Variants in SYNE1 observed in about 807,000 individuals in gnomAD.
The protein encoded by SYNE1 is nesprin-1.
Under a neutral mutation model 1,111.0 loss-of-function variants are expected in SYNE1, and 616 were observed. That is an observed-to-expected ratio of 0.55 (90% CI 0.52 to 0.59). The LOEUF (loss-of-function observed/expected upper bound fraction) is 0.59, where lower values mean the gene tolerates loss of function less well. SYNE1 is among the 20% of genes least tolerant of loss of function. The pLI, the probability that SYNE1 is intolerant of heterozygous loss-of-function variation, is 0.00. For missense variants in SYNE1, 10,006 were observed against 10,417.0 expected (o/e 0.96, Z 1.72); for synonymous variants, 3,855 against 3,825.8 (o/e 1.01, Z -0.28).
Position 152,465,015 on chromosome 6 carries a change from C to A in SYNE1, c.1932+243G>T, listed in dbSNP as rs1593250770. On this transcript the variant is annotated intron_variant, in intron 18 of 145. Coordinates refer to ENST00000367255, the MANE Select transcript of SYNE1 (RefSeq NM_182961.4). ...CTAGACACTCCCCTTCATAGACAGA[C>A]TTCAGGGTAATATAGTGCCCTCCCC... is the stretch of plus-strand genomic sequence containing the variant. 1.1e-5 allele frequency: 6 copies of A among 537,824 alleles called. No homozygotes were observed. In the East Asian group the frequency reaches 2.0e-4, roughly 18 times the overall value. The allele number at this position is 537,824 out of a possible 1,614,324, so 33.3% of individuals were successfully genotyped here.
At chr6:152,551,435 A>C (rs1024209666) in intron 3 of SYNE1, among the ~76,000 whole-genome samples, 2 of 152,164 alleles carry the variant, frequency 1.3e-5, no homozygotes, top group Non-Finnish European at 2.9e-5. Context: ...TTGATTCACT[A>C]ATTTAATGAA....
intron 3 of SYNE1, among the ~76,000 whole-genome samples, chr6:152,541,541 G>A (rs1174148933): frequency 6.6e-6 from 1 of 151,996 alleles, no homozygotes. Flanking sequence ...GAGGTCAGGA[G>A]GTCAAGACCA....
intron 128 of SYNE1, 38 bp from the exon 129 acceptor site, chr6:152,180,332 A>G: frequency 1.2e-6 from 2 of 1,605,778 alleles, no homozygotes; most frequent in South Asian, 2.2e-5. Context: ...CAAAATGATT[A>G]TCAGAGAGAA....
chr6:152,186,571 AAAAAAAAAAAAAAAAAAAAAAAAAAG>A (rs937939778), intron 128 of SYNE1, among the ~76,000 whole-genome samples: 5 of 133,730 alleles, frequency 3.7e-5, no homozygotes, highest in African/African-American at 8.2e-5. Context: ...AAAAAAAAAA[AAAAAAAAAAAAAAAAAAAAAAAAAAG>A]AAGAAGAAGA....
chr6:152,277,264 CTTTTT>C (rs747947368), intron 98 of SYNE1, among the ~76,000 whole-genome samples: 18 of 82,120 alleles, frequency 2.2e-4, no homozygotes, highest in Middle Eastern at 0.014. Flanking sequence ...TTTTCTTTTT[CTTTTT>C]TTTTTTTTTT....
intron 3 of SYNE1, among the ~76,000 whole-genome samples, chr6:152,577,910 GA>G (rs1321910595): frequency 6.6e-6 from 1 of 151,930 alleles, no homozygotes; most frequent in Non-Finnish European, 1.5e-5. Context: ...GTAACAACCA[GA>G]AGCAAATGTT....
intron 3 of SYNE1, among the ~76,000 whole-genome samples, chr6:152,579,822 C>T (rs2099513334): frequency 6.6e-6 from 1 of 152,148 alleles, no homozygotes; most frequent in Non-Finnish European, 1.5e-5. Context: ...TGGCCTCCAG[C>T]TCCATCCATG....
rs1477560269 is a variant in SYNE1 at position 152,269,297 on chromosome 6, C to T, written c.18574-11G>A. The T allele has an allele frequency of 1.2e-5, 19 of 1,613,974 alleles. No individual in the cohort carries two copies. The highest frequency in any genetic ancestry group is 1.7e-5 in the Admixed American group (1 of 60,014). On this transcript the variant is annotated splice_polypyrimidine_tract_variant and intron_variant, in intron 98 of 145. Transcript: ENST00000367255. ...CTCCTGTGCTGTTCCCTGCTTTTAA[C>T]GAGGCAGAAATCAAGTCATGCTACA...
intron 49 of SYNE1, among the ~76,000 whole-genome samples, chr6:152,397,632 A>G (rs2097756208): frequency 6.6e-6 from 1 of 152,142 alleles, no homozygotes; most frequent in Non-Finnish European, 1.5e-5. Flanking sequence ...GTTAACTTCT[A>G]ATCTAATGAA....
Position 152,399,802 on chromosome 6 carries a change from T to C in SYNE1, c.7051A>G (p.Ser2351Gly). ...KVKDIQKELQ[S>G]QQSNISSTQE... ...GTAGAGCTGATGTTGCTTTGTTGAC[T>C]TTGAAGTTCTTTTTGTATATCCTAC... The change falls in exon 48 of 146, where the codon AGT (serine) becomes GGT (glycine). Residue 2351 changes from serine to glycine, a missense_variant. By Grantham distance (56) the Ser-to-Gly change is moderately conservative. Coordinates refer to ENST00000367255, the MANE Select transcript of SYNE1 (RefSeq NM_182961.4). The C allele has an allele frequency of 6.2e-7, 1 of 1,614,196 alleles. No individual in the cohort carries two copies. The highest frequency in any genetic ancestry group is 1.1e-5 in the South Asian group (1 of 91,088).
At chr6:152,478,251 G>A (rs1593514324) in intron 14 of SYNE1, among the ~76,000 whole-genome samples, 1 of 152,214 alleles carries the variant, frequency 6.6e-6, no homozygotes, top group Non-Finnish European at 1.5e-5. Flanking sequence ...AATTTAGAAA[G>A]AAGAAAGAGC....
rs2059847049 is a variant in SYNE1 at position 152,148,248 on chromosome 6, G to A, written c.24773C>T (p.Ser8258Phe). Residue 8258 changes from serine to phenylalanine, a missense_variant, in exon 137 of 146, where the codon TCC becomes TTC. By Grantham distance (155) the Ser-to-Phe change is radical. This residue lies in a region of SYNE1 where 761 missense variants were observed against 795.5 expected (regional missense o/e 0.96). Transcript: ENST00000367255. The surrounding 1 kb of genome is among the most constrained non-coding windows in gnomAD (Gnocchi z 4.1). ...CCGGAGGGGCTGAGCGAGCGAGAGG[G>A]AGAGATTGGAGGAAGGCTGTGGAGA... ...LLSPQPSSNL[S>F]LSLAQPLRSE... 1 of 1,613,752 alleles carries A rather than the reference G, an allele frequency of 6.2e-7. No individual in the cohort carries two copies. The highest frequency in any genetic ancestry group is 8.5e-7 in the Non-Finnish European group (1 of 1,179,816).
At position 152,331,640 on chromosome 6, in the gene SYNE1, C is replaced by T. The variant is rs750160520; in HGVS notation, c.13045G>A (p.Val4349Met). 1 of 1,614,116 alleles carries T rather than the reference C, an allele frequency of 6.2e-7. No individual in the cohort carries two copies. Among genetic ancestry groups the T allele is most frequent in the South Asian group, 1.1e-5 (1 of 91,074 alleles). ...SVTNLEELNVVQSRFQELMEW... is the reference protein window; with the variant it reads ...SVTNLEELNVMQSRFQELMEW... The stretch of plus-strand genomic sequence containing the variant: ...ATTAGCTCCTGAAATCTGGACTGCA[C>T]CACATTTAACTCCTCCAAGTTGGTG... The change falls in exon 78 of 146, where the codon GTG (valine) becomes ATG (methionine). Residue 4349 changes from valine to methionine, a missense_variant. Physicochemically the swap from Val to Met is conservative, Grantham distance 21. Around this residue, in one of 7 missense-constraint regions of SYNE1, gnomAD observed 4,955 missense variants for 5,017.2 expected, o/e 0.99. Coordinates refer to ENST00000367255, the MANE Select transcript of SYNE1 (RefSeq NM_182961.4).
chr6:152,462,928 A>G, intron 19 of SYNE1, 38 bp from the exon 20 acceptor site: 1 of 1,612,682 alleles, frequency 6.2e-7, no homozygotes, highest in Non-Finnish European at 8.5e-7. Context: ...CGTGAAAGCC[A>G]TTTAGCTGCG....
At chr6:152,626,040 T>C (rs1727052) in intron 3 of SYNE1, among the ~76,000 whole-genome samples, 102,786 of 151,956 alleles carry the variant, frequency 0.68, 34,858 homozygotes, top group Non-Finnish European at 0.71. Flanking sequence ...TGAGAGGCTC[T>C]AGCTCTTTCC....
intron 33 of SYNE1, chr6:152,434,848 C>T (rs1162963481): frequency 1.3e-5 from 2 of 151,980 alleles, no homozygotes; most frequent in African/African-American, 4.8e-5. Context: ...CATTGACTGT[C>T]AAATTAAATA....
chr6:152,425,273 G>T, intron 39 of SYNE1, 108 bp downstream of exon 39: 2 of 1,168,094 alleles, frequency 1.7e-6, no homozygotes, highest in East Asian at 2.4e-5. Flanking sequence ...GTTATCAGGT[G>T]AGTAGTTGAG....
chr6:152,335,089 A>G (rs761207221), intron 76 of SYNE1, among the ~76,000 whole-genome samples: 104 of 152,318 alleles, frequency 6.8e-4, no homozygotes, highest in Middle Eastern at 3.4e-3. Flanking sequence ...ATATGTGGCC[A>G]GAGGATCATT....
intron 106 of SYNE1, 46 bp downstream of exon 106, chr6:152,244,491 G>A: frequency 1.9e-6 from 3 of 1,613,484 alleles, no homozygotes; most frequent in Non-Finnish European, 2.5e-6. Flanking sequence ...TAGACTTCAA[G>A]TTTGATGTAC....
Sources: gnomAD v4.1 joint callset for allele counts (sites outside exome capture counted in the v4.1 genomes callset) on GRCh38, gnomAD v4.1.1 for gene constraint, gnomAD v4.1.1 regional missense constraint, Gnocchi (gnomAD v3.1) non-coding constraint, MANE v1.5 for transcripts, NCBI Gene and HGNC (gene_info 2026-07-23, HGNC 2026-07-21) for gene names.